Variants in SLC17A4 observed in about 807,000 individuals in gnomAD.
SLC17A4 encodes the protein probable small intestine urate exporter.
In SLC17A4, 33 loss-of-function variants were observed where a neutral mutation model predicts 52.5. The observed-to-expected ratio is 0.63, with a 90% confidence interval of 0.48 to 0.84. The LOEUF (loss-of-function observed/expected upper bound fraction) is 0.84. Among genes scored for constraint, SLC17A4 ranks in the 40% least tolerant of loss-of-function variants. The pLI is 0.00. For missense variants in SLC17A4, 585 were observed against 597.1 expected (o/e 0.98, Z 0.21); for synonymous variants, 225 against 216.2 (o/e 1.04, Z -0.36).
intron 1 of SLC17A4, 115 bp from the exon 2 acceptor site, chr6:25,761,812 C>T: frequency 1.6e-6 from 1 of 608,742 alleles, no homozygotes; most frequent in Non-Finnish European, 2.8e-6. Flanking sequence ...TTTTCATAAA[C>T]CCTAATCTAC....
intron 10 of SLC17A4, chr6:25,777,564 A>AAACAAC (rs143345736): frequency 0.03 from 4,911 of 162,020 alleles, 197 homozygotes; most frequent in African/African-American, 0.097. Flanking sequence ...GCAGAAGCCA[A>AAACAAC]AACAACAACA....
chr6:25,775,219 C>A (rs1483298369), intron 8 of SLC17A4, among the ~76,000 whole-genome samples: 3 of 151,748 alleles, frequency 2.0e-5, no homozygotes, highest in African/African-American at 7.3e-5. Flanking sequence ...GTAGTCCCAG[C>A]TACTTAGGAG....
intron 11 of SLC17A4, 29 bp from the exon 12 acceptor site, chr6:25,779,025 G>A (rs558071421): frequency 4.3e-5 from 70 of 1,612,234 alleles, no homozygotes; most frequent in Non-Finnish European, 5.3e-5. Context: ...TTGGGTGACC[G>A]TTAATAACTT....
Position 25,779,407 on chromosome 6 carries a change from G to C in SLC17A4, c.*219G>C. The stretch of plus-strand genomic sequence containing the variant: ...AGCATAGGTGTGTTGAGATTTCTGT[G>C]TTCTCCACTCTTCCACTGTTATCCT... On this transcript the variant is annotated 3_prime_UTR_variant, in exon 12 of 12. Coordinates refer to ENST00000377905, the MANE Select transcript of SLC17A4 (RefSeq NM_005495.3). The C allele has an allele frequency of 2.0e-6, 1 of 507,980 alleles. No individual in the cohort carries two copies. Among genetic ancestry groups the C allele is most frequent in the South Asian group, 3.2e-5 (1 of 31,478 alleles). 31.5% of individuals were successfully genotyped at this position (507,980 alleles called of 1,614,324 possible).
intron 2 of SLC17A4, chr6:25,768,273 G>A (rs1187125206): frequency 3.1e-6 from 2 of 649,036 alleles, no homozygotes; most frequent in Non-Finnish European, 3.8e-6. Context: ...TCCCTTTCAG[G>A]AACCAAGAAA....
At chr6:25,771,255 G>T (rs1025936938) in intron 6 of SLC17A4, among the ~76,000 whole-genome samples, 2 of 152,104 alleles carry the variant, frequency 1.3e-5, no homozygotes, top group African/African-American at 2.4e-5. Context: ...GGAATTCAGA[G>T]CAAATTATCT....
At chr6:25,768,607 T>C (rs1156355332) in intron 2 of SLC17A4, among the ~76,000 whole-genome samples, 1 of 151,842 alleles carries the variant, frequency 6.6e-6, no homozygotes, top group Non-Finnish European at 1.5e-5. Flanking sequence ...AACTTGGGAG[T>C]CATCTCCAGC....
chr6:25,773,604 G>T lies in SLC17A4; in HGVS notation c.917G>T (p.Trp306Leu), dbSNP rs1221146149. 2 of 1,613,816 alleles carry T rather than the reference G, an allele frequency of 1.2e-6. No homozygotes were observed. Among genetic ancestry groups the T allele is most frequent in the African/African-American group, 1.3e-5 (1 of 74,902 alleles). ...AILVSYFCEYWLFYTIMAYTP... is the reference protein window; with the variant it reads ...AILVSYFCEYLLFYTIMAYTP... ...TTAGTCTCTTATTTCTGTGAATACT[G>T]GCTTTTTTATACCATTATGGCGTAC... is the stretch of plus-strand genomic sequence containing the variant. The change falls in exon 8 of 12, where the codon TGG becomes TTG. Residue 306 changes from tryptophan (W) to leucine (L), a missense_variant. Transcript: ENST00000377905.
intron 2 of SLC17A4, among the ~76,000 whole-genome samples, chr6:25,767,007 C>A (rs1249051906): frequency 6.6e-6 from 1 of 152,000 alleles, no homozygotes; most frequent in Non-Finnish European, 1.5e-5. Context: ...TTATTAATTG[C>A]AACAAATGCA....
At chr6:25,773,175 A>T in intron 6 of SLC17A4, 100 bp from the exon 7 acceptor site, 1 of 886,556 alleles carries the variant, frequency 1.1e-6, no homozygotes, top group Non-Finnish European at 1.9e-6. Context: ...AGAGTGGTGT[A>T]CTGAGGCCAG....
intron 2 of SLC17A4, among the ~76,000 whole-genome samples, chr6:25,765,432 A>T (rs1161063515): frequency 6.6e-6 from 1 of 152,234 alleles, no homozygotes; most frequent in Non-Finnish European, 1.5e-5. Flanking sequence ...AGGCACAAAG[A>T]GGTAGCAGCT....
At chr6:25,770,363 G>T (rs1368538887) in intron 4 of SLC17A4, 21 bp from the exon 5 acceptor site, 1 of 1,613,948 alleles carries the variant, frequency 6.2e-7, no homozygotes, top group African/African-American at 1.3e-5. Context: ...AGATCTCCAA[G>T]AATGGAATTT....
chr6:25,765,665 CAG>C (rs1230616492), intron 2 of SLC17A4, among the ~76,000 whole-genome samples: 1 of 151,996 alleles, frequency 6.6e-6, no homozygotes, highest in Non-Finnish European at 1.5e-5. Flanking sequence ...AATGTCACTG[CAG>C]AGTTAAAATG....
At chr6:25,760,034 A>G (rs1262339864) in intron 1 of SLC17A4, among the ~76,000 whole-genome samples, 1 of 152,214 alleles carries the variant, frequency 6.6e-6, no homozygotes, top group Non-Finnish European at 1.5e-5. Context: ...TGAAGCAGCA[A>G]TACAAGTGGG....
intron 6 of SLC17A4, among the ~76,000 whole-genome samples, 182 bp from the exon 7 acceptor site, chr6:25,773,093 C>T (rs78509745): frequency 0.018 from 2,748 of 152,302 alleles, 75 homozygotes; most frequent in African/African-American, 0.06. Flanking sequence ...AGTTGTATGG[C>T]CAAGGCCAAA....
At position 25,771,104 on chromosome 6, in the gene SLC17A4, A is replaced by G. The variant is rs138366818; in HGVS notation, c.706+92A>G. On this transcript the variant is annotated intron_variant, in intron 6 of 11. Transcript: ENST00000377905. Reference sequence around the variant, plus strand: ...TAACCAAATCCTAATAGATATGGATATTTACATAGCTAAAGCTGGTAGTGT... The same window carrying G: ...TAACCAAATCCTAATAGATATGGATGTTTACATAGCTAAAGCTGGTAGTGT... 6.7e-5 allele frequency: 69 copies of G among 1,035,500 alleles called. No homozygotes were observed. In the Admixed American group the frequency reaches 1.2e-3, roughly 18 times the overall value. The allele number at this position is 1,035,500 out of a possible 1,614,324, so 64.1% of individuals were successfully genotyped here. A position where few individuals can be genotyped will look rare whatever the true frequency, so the allele number is the denominator to read the frequency against.
In SLC17A4 at chr6:25,769,199, A is replaced by G. The variant is rs1762268949; in HGVS notation, c.297+9A>G. 6.2e-7 allele frequency: 1 copy of G among 1,610,128 alleles called. No individual in the cohort carries two copies. Among genetic ancestry groups the G allele is most frequent in the Non-Finnish European group, 8.5e-7 (1 of 1,176,526 alleles). On this transcript the variant is annotated intron_variant, in intron 3 of 11. Coordinates refer to ENST00000377905, the MANE Select transcript of SLC17A4 (RefSeq NM_005495.3). ...AAGAATTTAAAGCAATGGTAAGTTT[A>G]ATGAGACTCTGGACTCTTTCTTTGA...
At chr6:25,756,030 C>T (rs1210131945) in intron 1 of SLC17A4, among the ~76,000 whole-genome samples, 1 of 152,198 alleles carries the variant, frequency 6.6e-6, no homozygotes, top group African/African-American at 2.4e-5. Flanking sequence ...CCACCATCAA[C>T]ACTTGTACAG....
intron 8 of SLC17A4, among the ~76,000 whole-genome samples, chr6:25,775,403 AT>A (rs1248746146): frequency 2.0e-5 from 3 of 151,114 alleles, no homozygotes; most frequent in Non-Finnish European, 4.4e-5. Flanking sequence ...CTCCCAGCCC[AT>A]TCCAATGATA....
Sources: gnomAD v4.1 joint callset for allele counts (sites outside exome capture counted in the v4.1 genomes callset) on GRCh38, gnomAD v4.1.1 for gene constraint, MANE v1.5 for transcripts, NCBI Gene and HGNC (gene_info 2026-07-23, HGNC 2026-07-21) for gene names.